The following LYRM4 variants were observed in gnomAD, a reference collection of about 807,000 sequenced individuals.
LYRM4 encodes LYR motif containing 4.
A neutral mutation model predicts 11.7 loss-of-function variants in LYRM4; 9 were observed. The ratio of observed to expected loss-of-function variants is 0.77; its 90% CI spans 0.46 to 1.34. LYRM4 has a LOEUF of 1.34. Among genes scored for constraint, LYRM4 ranks in the 40% most tolerant of loss-of-function variants. The pLI is 0.00. For synonymous variants in LYRM4, 42 were observed against 40.4 expected (o/e 1.04, Z -0.15); for missense variants, 133 against 112.5 (o/e 1.18, Z -0.82).
rs561770691 is a variant in LYRM4, at chr6:5,222,597, G to A, written c.87-5859C>T. 9.2e-5 allele frequency among the ~76,000 whole-genome samples: 14 copies of A among 151,958 alleles called. No individual in the cohort carries two copies. The East Asian group carries it at 9.7e-4, about 10-fold the overall frequency. On this transcript the variant is annotated intron_variant, in intron 1 of 2. Transcript: ENST00000330636. The stretch of plus-strand genomic sequence containing the variant: ...GAGTGGTCCTTCTCTTGAATGGGGC[G>A]GTGTTTTCACATGCCCTTAGGTTTG...
chr6:5,133,535 C>G (rs127124), intron 2 of LYRM4, among the ~76,000 whole-genome samples: 92,541 of 152,026 alleles, frequency 0.61, 28,655 homozygotes, highest in East Asian at 0.81. Flanking sequence ...TATTCTGATG[C>G]TCGGGTCACA....
intron 1 of LYRM4, among the ~76,000 whole-genome samples, chr6:5,238,397 C>A (rs913017614): frequency 3.9e-5 from 6 of 152,034 alleles, no homozygotes; most frequent in Non-Finnish European, 7.4e-5. Context: ...TCACTCCCAG[C>A]GTAATTCTAT....
the LYRM4 span, among the ~76,000 whole-genome samples, chr6:5,036,923 A>T: frequency 6.6e-6 from 1 of 151,946 alleles, no homozygotes; most frequent in Admixed American, 6.5e-5. Flanking sequence ...CCTTCCTAGG[A>T]GGGTGCCCTT....
At chr6:5,042,305 A>T in the LYRM4 span, among the ~76,000 whole-genome samples, 1 of 152,182 alleles carries the variant, frequency 6.6e-6, no homozygotes, top group East Asian at 1.9e-4. Flanking sequence ...TGTTTAAAAA[A>T]ATAAAAACTG....
intron 2 of LYRM4, among the ~76,000 whole-genome samples, chr6:5,177,718 C>T (rs1759801954): frequency 6.6e-6 from 1 of 152,188 alleles, no homozygotes; most frequent in African/African-American, 2.4e-5. Flanking sequence ...GATGCTGTGA[C>T]TTGTTATCTT....
intron 1 of LYRM4, among the ~76,000 whole-genome samples, chr6:5,243,744 A>G (rs897903591): frequency 2.0e-5 from 3 of 152,280 alleles, no homozygotes; most frequent in African/African-American, 4.8e-5. Flanking sequence ...TTAATTAATT[A>G]AAACAAAGAG....
intron 1 of LYRM4, among the ~76,000 whole-genome samples, chr6:5,245,168 T>C (rs1431034430): frequency 7.1e-5 from 5 of 69,980 alleles, no homozygotes; most frequent in African/African-American, 2.6e-4. Flanking sequence ...ATATATAAAA[T>C]AGGTGAATTT....
chr6:5,097,931 A>G, the LYRM4 span, among the ~76,000 whole-genome samples: 4 of 152,048 alleles, frequency 2.6e-5, no homozygotes, highest in South Asian at 2.1e-4. Flanking sequence ...TAAAGCAGCT[A>G]CTCTTGAGGG....
At chr6:5,131,820 C>T (rs1188558446) in intron 2 of LYRM4, among the ~76,000 whole-genome samples, 2 of 152,104 alleles carry the variant, frequency 1.3e-5, no homozygotes, top group Non-Finnish European at 1.5e-5. Flanking sequence ...TCATTAAGAA[C>T]GACATTATAG....
chr6:5,161,887 T>C (rs1424289100), intron 2 of LYRM4, among the ~76,000 whole-genome samples: 2 of 152,222 alleles, frequency 1.3e-5, no homozygotes, highest in East Asian at 1.9e-4. Context: ...GTGCCCATTA[T>C]CTTCAGCGAG....
chr6:5,117,433 T>C (rs1414087096), intron 2 of LYRM4, among the ~76,000 whole-genome samples: 4 of 151,956 alleles, frequency 2.6e-5, no homozygotes, highest in Non-Finnish European at 4.4e-5. Context: ...TGTGCGCCTG[T>C]AATCGCAGCT....
At chr6:5,167,719 AG>A (rs1759171644) in intron 2 of LYRM4, among the ~76,000 whole-genome samples, 1 of 152,220 alleles carries the variant, frequency 6.6e-6, no homozygotes, top group Non-Finnish European at 1.5e-5. Flanking sequence ...CTTCATGGAC[AG>A]GAAGTCCCTG....
rs1561899261 is a variant in LYRM4, at chr6:5,245,160, ATAT to A, written c.86+15485_86+15487del. On this transcript the variant is annotated intron_variant, in intron 1 of 2. Transcript: ENST00000330636. ...TATATATATATATATATATATATAT[ATAT>A]AAAATAGGTGAATTTCTGGAACAAA... 2.3e-3 allele frequency among the ~76,000 whole-genome samples: 227 copies of A among 97,652 alleles called. 4 individuals are homozygous for A. Among genetic ancestry groups the A allele is most frequent in the Non-Finnish European group, 2.7e-3 (131 of 48,720 alleles). 64.1% of individuals were successfully genotyped at this position (97,652 alleles called of 152,430 possible).
chr6:5,113,024 T>G (rs1762954083), intron 2 of LYRM4: 1 of 183,666 alleles, frequency 5.4e-6, no homozygotes, highest in Admixed American at 6.1e-5. Context: ...GCTAAAATGT[T>G]AAAAATGGAG....
chr6:5,230,804 T>G (rs959820520), intron 1 of LYRM4, among the ~76,000 whole-genome samples: 5 of 152,074 alleles, frequency 3.3e-5, no homozygotes, highest in African/African-American at 1.2e-4. Context: ...CAACAACACA[T>G]GAGCAAGGAA....
the LYRM4 span, among the ~76,000 whole-genome samples, chr6:5,059,131 C>G: frequency 6.6e-6 from 1 of 151,668 alleles, no homozygotes; most frequent in Admixed American, 6.6e-5. Context: ...CCTTGAGCCC[C>G]GGAGTTCAAG....
chr6:5,127,095 A>T (rs1389254979), intron 2 of LYRM4, among the ~76,000 whole-genome samples: 7 of 152,126 alleles, frequency 4.6e-5, no homozygotes, highest in Non-Finnish European at 1.0e-4. Flanking sequence ...GTCCACAGGC[A>T]CCCGCCACCA....
At chr6:5,180,406 A>G (rs1325246045) in intron 2 of LYRM4, among the ~76,000 whole-genome samples, 1 of 152,024 alleles carries the variant, frequency 6.6e-6, no homozygotes, top group African/African-American at 2.4e-5. Context: ...CTCAGCATCT[A>G]TGCTAAAGAT....
intron 2 of LYRM4, among the ~76,000 whole-genome samples, chr6:5,176,852 C>T (rs2127672839): frequency 6.6e-6 from 1 of 152,314 alleles, no homozygotes; most frequent in South Asian, 2.1e-4. Flanking sequence ...TGGCATGAGG[C>T]AGAAGTATAA....
Sources: allele counts gnomAD v4.1 joint callset (sites outside exome capture counted in the v4.1 genomes callset), GRCh38; gene constraint gnomAD v4.1.1; transcripts MANE v1.5; gene names NCBI Gene and HGNC (gene_info 2026-07-23, HGNC 2026-07-21).